The following SEMA3E variants were observed in gnomAD, a reference collection of about 807,000 sequenced individuals.
The protein encoded by SEMA3E is semaphorin 3E.
A neutral mutation model predicts 93.6 loss-of-function variants in SEMA3E; 49 were observed. The ratio of observed to expected loss-of-function variants is 0.52; its 90% CI spans 0.42 to 0.66. SEMA3E has a LOEUF of 0.66. Among genes scored for constraint, SEMA3E ranks in the 30% least tolerant of loss-of-function variants. The pLI, the probability that SEMA3E is intolerant of heterozygous loss-of-function variation, is 0.00. For synonymous variants in SEMA3E, 363 were observed against 330.7 expected (o/e 1.10, Z -1.06); for missense variants, 906 against 964.8 (o/e 0.94, Z 0.81).
rs766002060 is a variant in SEMA3E at position 83,367,599 on chromosome 7, G to A, written c.2315C>T (p.Thr772Met). Residue 772 changes from threonine (T) to methionine (M), a missense_variant, in exon 17 of 17, where the codon ACG becomes ATG. Physicochemically the swap from Thr to Met is moderately conservative, Grantham distance 81. Transcript: ENST00000643230. ...AGTCTCACCCCATCAGGAGTCCAGCGTGTGCCTGGGCAGGCGGTAATGCTC... is the reference window on the plus strand; with the variant it reads ...AGTCTCACCCCATCAGGAGTCCAGCATGTGCCTGGGCAGGCGGTAATGCTC... ...KPEHYRLPRH[T>M]LDS 18 of 1,614,004 alleles carry A rather than the reference G, an allele frequency of 1.1e-5. No individual in the cohort carries two copies. The Admixed American group carries it at 1.3e-4, about 12-fold the overall frequency.
rs137972257 is a variant in SEMA3E at position 83,415,869 on chromosome 7, A to T, written c.550+2521T>A. 3.9e-5 allele frequency among the ~76,000 whole-genome samples: 6 copies of T among 152,226 alleles called. No homozygotes were observed. The East Asian group carries it at 1.2e-3, about 29-fold the overall frequency. On this transcript the variant is annotated intron_variant, in intron 5 of 16. Coordinates refer to ENST00000643230, the MANE Select transcript of SEMA3E (RefSeq NM_012431.3). Reference sequence around the variant, plus strand: ...GAAACTAAGAAGTAGCAATAATCTAACGATAGTCATCTTTTTGCTGGAGGC... The same window carrying T: ...GAAACTAAGAAGTAGCAATAATCTATCGATAGTCATCTTTTTGCTGGAGGC...
chr7:83,637,304 A>T (rs1245386634), intron 1 of SEMA3E, among the ~76,000 whole-genome samples: 4 of 152,174 alleles, frequency 2.6e-5, no homozygotes, highest in African/African-American at 9.7e-5. Context: ...ATACCACATT[A>T]TGTTTATAAA....
At chr7:83,642,944 C>T (rs1039070647) in intron 1 of SEMA3E, among the ~76,000 whole-genome samples, 4 of 152,040 alleles carry the variant, frequency 2.6e-5, no homozygotes, top group Middle Eastern at 3.2e-3. Flanking sequence ...TTCCTGCAGA[C>T]TAAATTCCTC....
chr7:83,384,314 G>A (rs566814372), intron 16 of SEMA3E, among the ~76,000 whole-genome samples: 56 of 152,070 alleles, frequency 3.7e-4, no homozygotes, highest in Non-Finnish European at 6.0e-4. Context: ...GCCAAAACGA[G>A]GTGAAGCCTT....
intron 2 of SEMA3E, among the ~76,000 whole-genome samples, chr7:83,469,922 G>A (rs568040010): frequency 5.3e-5 from 8 of 151,940 alleles, no homozygotes; most frequent in African/African-American, 9.7e-5. Context: ...CCAGCCTCCC[G>A]AGTAGCTGGG....
chr7:83,412,021 C>T (rs949347185), intron 5 of SEMA3E, among the ~76,000 whole-genome samples: 1 of 152,154 alleles, frequency 6.6e-6, no homozygotes, highest in Non-Finnish European at 1.5e-5. Context: ...TTGACCACCA[C>T]AAACTGCTCA....
intron 1 of SEMA3E, among the ~76,000 whole-genome samples, chr7:83,597,527 C>A (rs757608502): frequency 2.0e-5 from 3 of 152,164 alleles, no homozygotes; most frequent in Non-Finnish European, 2.9e-5. Context: ...TTTCTCAACA[C>A]AAGTTCCTTT....
chr7:83,382,674 T>G lies in SEMA3E; in HGVS notation c.1875+2620A>C, dbSNP rs183448268. 4.6e-4 allele frequency among the ~76,000 whole-genome samples: 69 copies of G among 151,596 alleles called. No individual in the cohort carries two copies. The East Asian group carries it at 7.9e-3, about 17-fold the overall frequency. The stretch of plus-strand genomic sequence containing the variant: ...TAATTCTTAATAACTTATTATTACT[T>G]AATTATAATTAATAAGGTCTACAAG... On this transcript the variant is annotated intron_variant, in intron 16 of 16. Transcript: ENST00000643230.
At chr7:83,506,224 T>A (rs1416208718) in intron 1 of SEMA3E, among the ~76,000 whole-genome samples, 1 of 151,892 alleles carries the variant, frequency 6.6e-6, no homozygotes, top group Non-Finnish European at 1.5e-5. Flanking sequence ...TAAGCTTCCA[T>A]CAACAGATGC....
At chr7:83,450,739 T>C (rs966448627) in intron 4 of SEMA3E, among the ~76,000 whole-genome samples, 1 of 152,196 alleles carries the variant, frequency 6.6e-6, no homozygotes, top group Non-Finnish European at 1.5e-5. Context: ...CTTTATTCAT[T>C]TTATAAGTTA....
chr7:83,505,574 T>C (rs192756340), intron 1 of SEMA3E, among the ~76,000 whole-genome samples: 19 of 152,290 alleles, frequency 1.2e-4, no homozygotes, highest in Admixed American at 8.5e-4. Context: ...TAAACTATTG[T>C]CATCTCTAGT....
intron 4 of SEMA3E, among the ~76,000 whole-genome samples, chr7:83,436,719 T>C (rs953425715): frequency 1.3e-5 from 2 of 152,092 alleles, no homozygotes; most frequent in Non-Finnish European, 2.9e-5. Context: ...ATAATGCTAA[T>C]TTTACTCAGC....
chr7:83,408,327 G>C (rs757229456), intron 6 of SEMA3E, 41 bp downstream of exon 6: 101 of 1,612,228 alleles, frequency 6.3e-5, no homozygotes, highest in Non-Finnish European at 8.4e-5. Context: ...TTTTAGAGTT[G>C]ATTTCAATCC....
intron 4 of SEMA3E, among the ~76,000 whole-genome samples, chr7:83,450,793 T>G (rs987595928): frequency 6.6e-6 from 1 of 152,224 alleles, no homozygotes; most frequent in Non-Finnish European, 1.5e-5. Context: ...GTTTCTGTTA[T>G]GCTTAATTTA....
intron 2 of SEMA3E, among the ~76,000 whole-genome samples, chr7:83,471,243 A>T (rs1368023680): frequency 2.6e-5 from 4 of 151,856 alleles, no homozygotes; most frequent in Non-Finnish European, 5.9e-5. Context: ...CCTTAAGGAC[A>T]CTGAAAATTA....
At chr7:83,381,642 C>T (rs1314885022) in intron 16 of SEMA3E, among the ~76,000 whole-genome samples, 4 of 151,792 alleles carry the variant, frequency 2.6e-5, no homozygotes, top group Non-Finnish European at 5.9e-5. Flanking sequence ...TTCTATAAGG[C>T]AGGACATAGT....
At chr7:83,554,459 AG>A (rs1223895361) in intron 1 of SEMA3E, among the ~76,000 whole-genome samples, 1 of 152,120 alleles carries the variant, frequency 6.6e-6, no homozygotes, top group African/African-American at 2.4e-5. Flanking sequence ...TTCTACATAG[AG>A]CTAAGACAAT....
chr7:83,633,514 C>T (rs956327753), intron 1 of SEMA3E, among the ~76,000 whole-genome samples: 21 of 151,980 alleles, frequency 1.4e-4, no homozygotes, highest in Non-Finnish European at 2.4e-4. Flanking sequence ...ATAAGAGAGT[C>T]GCAGCCAGAC....
chr7:83,497,992 T>G (rs936708530), intron 1 of SEMA3E, among the ~76,000 whole-genome samples: 1 of 152,162 alleles, frequency 6.6e-6, no homozygotes, highest in Admixed American at 6.5e-5. Context: ...TATGGAAAAG[T>G]AAATATGTAA....
Sources: gnomAD v4.1 joint callset for allele counts (sites outside exome capture counted in the v4.1 genomes callset) on GRCh38, gnomAD v4.1.1 for gene constraint, MANE v1.5 for transcripts, NCBI Gene and HGNC (gene_info 2026-07-23, HGNC 2026-07-21) for gene names.